The following ARHGEF7 variants were observed in gnomAD, a reference collection of about 807,000 sequenced individuals.
ARHGEF7 encodes PAK-interacting exchange factor beta.
A neutral mutation model predicts 109.8 loss-of-function variants in ARHGEF7; 33 were observed. The observed-to-expected ratio is 0.30, with a 90% CI of 0.23 to 0.40. The LOEUF is 0.40. ARHGEF7 is among the 10% of genes least tolerant of loss of function. ARHGEF7 has a pLI of 1.00. For synonymous variants in ARHGEF7, 458 were observed against 424.6 expected, an observed-to-expected ratio of 1.08 and a Z score of -0.97; for missense variants, 938 against 1,098.5, an observed-to-expected ratio of 0.85 and a Z score of 2.07.
At chr13:111,188,056 G>C (rs2079453526) in intron 2 of ARHGEF7, among the ~76,000 whole-genome samples, 3 of 152,196 alleles carry the variant, frequency 2.0e-5, no homozygotes, top group Admixed American at 1.3e-4. Context: ...GACTGCTGAG[G>C]CTAGCTCATA....
chr13:111,266,239 T>C lies in ARHGEF7; in HGVS notation c.951-1309T>C, dbSNP rs577724014. Among the ~76,000 whole-genome samples, 2 of 151,730 alleles carry C rather than the reference T, an allele frequency of 1.3e-5. No homozygotes were observed. The highest frequency in any genetic ancestry group is 2.9e-5 in the Non-Finnish European group (2 of 67,988). On this transcript the variant is annotated intron_variant, in intron 8 of 21. Transcript: ENST00000646102. This position sits in a 1 kb window ranked among gnomAD's most constrained non-coding sequence, Gnocchi z 4.8. ...GGGGTGCTTCAGTGTTTCTGGGCTCTGGTGCTGAGGAGCCCCATGCTGTTC... is the reference window on the plus strand; with the variant it reads ...GGGGTGCTTCAGTGTTTCTGGGCTCCGGTGCTGAGGAGCCCCATGCTGTTC...
chr13:111,202,965 T>A, intron 2 of ARHGEF7: 1 of 658,710 alleles, frequency 1.5e-6, no homozygotes, highest in Non-Finnish European at 2.1e-6. Context: ...TCTGATGTCA[T>A]ATTGAAGCCC....
In ARHGEF7 at chr13:111,131,633, A is replaced by C. The variant is rs1405383841; in HGVS notation, c.165+15942A>C. Among the ~76,000 whole-genome samples, 1 of 152,158 alleles carries C rather than the reference A, an allele frequency of 6.6e-6. No individual in the cohort carries two copies. Among genetic ancestry groups the C allele is most frequent in the Non-Finnish European group, 1.5e-5 (1 of 68,030 alleles). ...AGGTGGTGCTGATGAGCCTGAAGAG[A>C]GAAACTAAGGCAGGGTGGTCAGAGG... On this transcript the variant is annotated intron_variant, in intron 1 of 21. Coordinates refer to ENST00000646102, the MANE Select transcript of ARHGEF7 (RefSeq NM_001354046.2). The surrounding 1 kb of genome is among the most constrained non-coding windows in gnomAD (Gnocchi z 4.4).
chr13:111,200,344 A>G (rs1229170331), intron 2 of ARHGEF7, among the ~76,000 whole-genome samples: 1 of 150,860 alleles, frequency 6.6e-6, no homozygotes, highest in Non-Finnish European at 1.5e-5. Context: ...TTTTTCTCTT[A>G]TTGTCCTGTA....
Position 111,153,503 on chromosome 13 carries a change from T to G in ARHGEF7, c.166-402T>G, listed in dbSNP as rs2076017471. ...GCGCGGGGCCAACCGGTGGGCTCCC[T>G]CTACCGGACCGAGGCCCAGCACTGG... On this transcript the variant is annotated intron_variant, in intron 1 of 21. Transcript: ENST00000646102. 6 of 494,650 alleles carry G rather than the reference T, an allele frequency of 1.2e-5. No homozygotes were observed. The South Asian group carries it at 2.5e-4, about 20-fold the overall frequency. 30.6% of individuals were successfully genotyped at this position (494,650 alleles called of 1,614,324 possible).
At chr13:111,135,949 T>G (rs1401705509) in intron 1 of ARHGEF7, among the ~76,000 whole-genome samples, 1 of 152,186 alleles carries the variant, frequency 6.6e-6, no homozygotes, top group Non-Finnish European at 1.5e-5. Flanking sequence ...AAATAGCTCT[T>G]ATTATTTTGA....
intron 8 of ARHGEF7, among the ~76,000 whole-genome samples, chr13:111,253,462 TCTTA>T (rs1446442554): frequency 3.3e-5 from 5 of 152,218 alleles, no homozygotes; most frequent in Non-Finnish European, 5.9e-5. Context: ...CAAATTTTAT[TCTTA>T]CTTATTTTGA....
rs551632627 is a variant in ARHGEF7 at position 111,232,100 on chromosome 13, T to C, written c.671-1105T>C. On this transcript the variant is annotated intron_variant, in intron 5 of 21. Transcript: ENST00000646102. ...CCTATCTGCCCACCCCCTAGAACTG[T>C]TGGTAGATCTACCCCATGGAACTAT... Among the ~76,000 whole-genome samples, 5 of 152,006 alleles carry C rather than the reference T, an allele frequency of 3.3e-5. No homozygotes were observed. The South Asian group carries it at 1.0e-3, about 32-fold the overall frequency.
At chr13:111,116,185 C>T (rs973594324) in intron 1 of ARHGEF7, among the ~76,000 whole-genome samples, 10 of 152,190 alleles carry the variant, frequency 6.6e-5, no homozygotes, top group African/African-American at 1.9e-4. Context: ...GCATCTGTAG[C>T]TGAGGGCTGC....
At chr13:111,166,684 T>TTGTC (rs1376192310) in intron 2 of ARHGEF7, among the ~76,000 whole-genome samples, 9 of 152,212 alleles carry the variant, frequency 5.9e-5, no homozygotes, top group Non-Finnish European at 1.2e-4. Context: ...TTAGAAGAAG[T>TTGTC]TGTCTTTGGG....
chr13:111,200,028 C>T (rs1467844853), intron 2 of ARHGEF7, among the ~76,000 whole-genome samples: 6 of 152,184 alleles, frequency 3.9e-5, no homozygotes, highest in South Asian at 2.1e-4. Flanking sequence ...ACTCATGTTA[C>T]GGGTACTTGC....
At chr13:111,215,467 C>T (rs1454418346) in intron 4 of ARHGEF7, among the ~76,000 whole-genome samples, 4 of 151,952 alleles carry the variant, frequency 2.6e-5, no homozygotes, top group African/African-American at 9.7e-5. Context: ...GCCCCTTGAC[C>T]TGCATAAATG....
intron 1 of ARHGEF7, among the ~76,000 whole-genome samples, chr13:111,130,787 G>A (rs1350957465): frequency 6.6e-6 from 1 of 152,236 alleles, no homozygotes; most frequent in Non-Finnish European, 1.5e-5. Context: ...GGCCCCAGTG[G>A]CGGTTTGGGG....
chr13:111,217,236 A>G (rs556711220), intron 4 of ARHGEF7, among the ~76,000 whole-genome samples: 2 of 152,378 alleles, frequency 1.3e-5, no homozygotes, highest in South Asian at 4.1e-4. Flanking sequence ...TGTATATGGT[A>G]TCTGGAAATA....
At chr13:111,221,964 G>A (rs1240602758) in intron 5 of ARHGEF7, among the ~76,000 whole-genome samples, 2 of 152,100 alleles carry the variant, frequency 1.3e-5, no homozygotes, top group African/African-American at 4.8e-5. Flanking sequence ...ATCCAGCATG[G>A]GAGAAAGATG....
At chr13:111,301,571 C>A in intron 21 of ARHGEF7, 39 bp downstream of exon 21, 1 of 1,519,794 alleles carries the variant, frequency 6.6e-7, no homozygotes, top group South Asian at 1.1e-5. Flanking sequence ...TTTTTCTTTT[C>A]AAATGGGAGA....
intron 5 of ARHGEF7, among the ~76,000 whole-genome samples, chr13:111,219,329 A>G (rs1443043379): frequency 6.6e-6 from 1 of 152,246 alleles, no homozygotes; most frequent in African/African-American, 2.4e-5. Context: ...AGCATATGAC[A>G]GAGTTACCTT....
intron 2 of ARHGEF7, among the ~76,000 whole-genome samples, chr13:111,192,912 G>A (rs1429068681): frequency 1.3e-5 from 2 of 152,084 alleles, no homozygotes; most frequent in South Asian, 2.1e-4. Flanking sequence ...AAATCCCTTC[G>A]ACTTAGGCAT....
intron 5 of ARHGEF7, among the ~76,000 whole-genome samples, chr13:111,222,907 C>T (rs933162310): frequency 4.6e-5 from 7 of 152,126 alleles, no homozygotes; most frequent in Admixed American, 2.0e-4. Flanking sequence ...AACTGTGGTT[C>T]GAAACAGGTG....
Sources: gnomAD v4.1 joint callset for allele counts (sites outside exome capture counted in the v4.1 genomes callset) on GRCh38, gnomAD v4.1.1 for gene constraint, Gnocchi (gnomAD v3.1) non-coding constraint, MANE v1.5 for transcripts, NCBI Gene and HGNC (gene_info 2026-07-23, HGNC 2026-07-21) for gene names.